Variants in PGM3 observed in about 807,000 individuals in gnomAD.
The protein encoded by PGM3 is phosphoglucomutase 3, also known as phosphoacetylglucosamine mutase.
PGM3 carries 40 observed loss-of-function variants against 66.2 expected under a neutral mutation model. That is an observed-to-expected ratio of 0.60 (90% CI 0.47 to 0.79). The LOEUF (loss-of-function observed/expected upper bound fraction) is 0.79, where lower values mean the gene tolerates loss of function less well. PGM3 is among the 30% of genes least tolerant of loss of function. PGM3 has a pLI of 0.00. For missense variants in PGM3, 537 were observed against 643.4 expected, an observed-to-expected ratio of 0.83 and a Z score of 1.79; for synonymous variants, 191 against 224.2, an observed-to-expected ratio of 0.85 and a Z score of 1.32.
Position 83,169,223 on chromosome 6 carries a change from G to A in PGM3, c.*11C>T. ...AAAAAGTCCAGTTTCTCAGGAATAT[G>A]AAAATTATCTTCAGAAACCTGGTTG... On this transcript the variant is annotated 3_prime_UTR_variant, in exon 13 of 13. Transcript: ENST00000513973. 1.7e-5 allele frequency: 27 copies of A among 1,613,846 alleles called. No homozygotes were observed. Among genetic ancestry groups the A allele is most frequent in the Non-Finnish European group, 2.1e-5 (25 of 1,179,878 alleles).
At chr6:83,170,760 C>CA (rs1786918118) in intron 11 of PGM3, 2 of 260,696 alleles carry the variant, frequency 7.7e-6, no homozygotes, top group South Asian at 1.1e-4. Flanking sequence ...ATATCACACA[C>CA]AAAAACAGGA....
rs1583219212 is a variant in PGM3 at position 83,166,145 on chromosome 6, T to C, written c.*3089A>G. Reference sequence around the variant, plus strand: ...AAAATGACACTTCAAAACAACGAATTTTTTTATTTTTCACTCAGCTCATGA... The same window carrying C: ...AAAATGACACTTCAAAACAACGAATCTTTTTATTTTTCACTCAGCTCATGA... On this transcript the variant is annotated 3_prime_UTR_variant, in exon 13 of 13. Transcript: ENST00000513973. The C allele has an allele frequency of 8.6e-6, 4 of 466,342 alleles. No individual in the cohort carries two copies. In the East Asian group the frequency reaches 1.3e-4, roughly 15 times the overall value. The allele number at this position is 466,342 out of a possible 1,614,324, so 28.9% of individuals were successfully genotyped here.
the PGM3 span, chr6:83,153,692 G>T: frequency 7.8e-7 from 1 of 1,280,428 alleles, no homozygotes; most frequent in East Asian, 2.5e-5. Context: ...TTCCCTTATT[G>T]CCATTTCTAG....
chr6:83,187,580 G>A (rs973400907), intron 3 of PGM3, among the ~76,000 whole-genome samples: 13 of 152,148 alleles, frequency 8.5e-5, no homozygotes, highest in African/African-American at 2.9e-4. Flanking sequence ...TTGGGAGGCC[G>A]AGGTGGGTGG....
At chr6:83,162,150 C>T (rs1244039946), downstream of PGM3, among the ~76,000 whole-genome samples, 1 of 152,068 alleles carries the variant, frequency 6.6e-6, no homozygotes, top group Non-Finnish European at 1.5e-5. Flanking sequence ...GACGGACTTA[C>T]GAAGCTGACA....
chr6:83,154,321 G>A, the PGM3 span: 3 of 1,272,922 alleles, frequency 2.4e-6, no homozygotes, highest in Non-Finnish European at 3.4e-6. Flanking sequence ...CTTTTCTGGA[G>A]ACTAGGAGAC....
intron 12 of PGM3, chr6:83,169,984 AAAG>A (rs1786752383): frequency 2.5e-6 from 1 of 394,558 alleles, no homozygotes; most frequent in Non-Finnish European, 4.8e-6. Flanking sequence ...TATATTTTTA[AAAG>A]AAGAGAAAAG....
downstream of PGM3, among the ~76,000 whole-genome samples, chr6:83,163,491 TAAAGG>T (rs1326631460): frequency 6.6e-6 from 1 of 152,180 alleles, no homozygotes; most frequent in African/African-American, 2.4e-5. Flanking sequence ...TCGATCAGAA[TAAAGG>T]AAATAATCAT....
chr6:83,158,749 C>T (rs968878981), downstream of PGM3: 36 of 693,444 alleles, frequency 5.2e-5, no homozygotes, highest in African/African-American at 7.4e-5. Context: ...TAATTGATTA[C>T]GTTTGGATAT....
At chr6:83,193,551 C>A (rs151125611), upstream of PGM3, 1 of 151,982 alleles carries the variant, frequency 6.6e-6, no homozygotes, top group Admixed American at 6.5e-5. Context: ...CCTCTGGGGG[C>A]GGCAGGCCCT....
chr6:83,150,001 G>A, the PGM3 span, among the ~76,000 whole-genome samples: 2 of 152,174 alleles, frequency 1.3e-5, no homozygotes, highest in African/African-American at 4.8e-5. Flanking sequence ...GGTTTGGAGA[G>A]GTAGCAGCAC....
intron 8 of PGM3, 70 bp from the exon 9 acceptor site, chr6:83,176,130 C>G (rs1787744486): frequency 4.7e-6 from 4 of 852,046 alleles, no homozygotes; most frequent in African/African-American, 3.3e-5. Context: ...TACCTAGTAT[C>G]CCAGAGATAC....
the PGM3 span, chr6:83,154,152 T>G: frequency 1.2e-6 from 2 of 1,608,716 alleles, no homozygotes; most frequent in Non-Finnish European, 1.7e-6. Flanking sequence ...ACAACATAAT[T>G]ACATGTTGTA....
rs150015194 is a variant in PGM3, at chr6:83,166,267, T to C, written c.*2967A>G. The C allele has an allele frequency of 6.6e-4, 363 of 549,724 alleles. 2 individuals carry two copies. In the East Asian group the frequency reaches 0.01, roughly 16 times the overall value. The allele number at this position is 549,724 out of a possible 1,614,324, so 34.1% of individuals were successfully genotyped here. A position where few individuals can be genotyped will look rare whatever the true frequency, so the allele number is the denominator to read the frequency against. On this transcript the variant is annotated 3_prime_UTR_variant, in exon 13 of 13. Transcript: ENST00000513973. The stretch of plus-strand genomic sequence containing the variant: ...ATTGAGTTCTTGGGCAGCTCTCTTA[T>C]AGTTGTAAGAGGATCAGCTTCGATG...
chr6:83,168,779 T>C lies in PGM3; in HGVS notation c.*455A>G. 9.9e-7 allele frequency: 1 copy of C among 1,008,342 alleles called. No homozygotes were observed. The highest frequency in any genetic ancestry group is 1.2e-6 in the Non-Finnish European group (1 of 842,744). The allele number at this position is 1,008,342 out of a possible 1,614,324, so 62.5% of individuals were successfully genotyped here. A position where few individuals can be genotyped will look rare whatever the true frequency, so the allele number is the denominator to read the frequency against. On this transcript the variant is annotated 3_prime_UTR_variant, in exon 13 of 13. Transcript: ENST00000513973. ...TAGGTAAGTCATCTAATAATCTTTC[T>C]TAAGACTCTGCAATGGAAAAACTGG...
In PGM3 at chr6:83,165,939, C is replaced by G; in HGVS notation, c.*3295G>C. 2.7e-6 allele frequency: 1 copy of G among 371,292 alleles called. No individual in the cohort carries two copies. The highest frequency in any genetic ancestry group is 5.4e-6 in the Non-Finnish European group (1 of 186,790). 23.0% of individuals were successfully genotyped at this position (371,292 alleles called of 1,614,324 possible). On this transcript the variant is annotated 3_prime_UTR_variant, in exon 13 of 13. Coordinates refer to ENST00000513973, the MANE Select transcript of PGM3 (RefSeq NM_015599.3). ...AAGCTGTAGTGGATCAGACTGGCAG[C>G]AAACCACCAAACAATGACCATGACC...
intron 12 of PGM3, chr6:83,169,919 C>T (rs1786736874): frequency 2.5e-6 from 1 of 397,090 alleles, no homozygotes; most frequent in Admixed American, 3.3e-5. Context: ...GTCCAGAATG[C>T]TATCAGTTGA....
rs754127394 is a variant in PGM3 at position 83,175,944 on chromosome 6, A to G, written c.1128+18T>C. On this transcript the variant is annotated intron_variant, in intron 9 of 12. Transcript: ENST00000513973. ...AGAAAAGTGCCAGCTAAGGCCAACT[A>G]TAATTAAGAGAACTTACAGTGCCAT... 1.9e-5 allele frequency: 27 copies of G among 1,442,002 alleles called. No homozygotes were observed. The highest frequency in any genetic ancestry group is 2.1e-5 in the Non-Finnish European group (21 of 1,023,234). The allele number at this position is 1,442,002 out of a possible 1,614,324, so 89.3% of individuals were successfully genotyped here.
At chr6:83,152,058 C>G in the PGM3 span, 11 of 1,612,042 alleles carry the variant, frequency 6.8e-6, no homozygotes, top group Admixed American at 1.7e-5. Flanking sequence ...GGTTTATTAT[C>G]TGTAAGCAGG....
Sources: gnomAD v4.1 joint callset for allele counts (sites outside exome capture counted in the v4.1 genomes callset) on GRCh38, gnomAD v4.1.1 for gene constraint, MANE v1.5 for transcripts, NCBI Gene and HGNC (gene_info 2026-07-23, HGNC 2026-07-21) for gene names.